AGPS: variants seen among roughly 807,000 people sequenced by gnomAD.
The protein encoded by AGPS is alkyldihydroxyacetonephosphate synthase, peroxisomal.
AGPS carries 26 observed loss-of-function variants against 90.7 expected under a neutral mutation model. That is an observed-to-expected ratio of 0.29 (90% CI 0.21 to 0.40). The LOEUF (loss-of-function observed/expected upper bound fraction) is 0.40. Among genes scored for constraint, AGPS ranks in the 10% least tolerant of loss-of-function variants. The pLI is 1.00. For missense variants in AGPS, 540 were observed against 816.1 expected (o/e 0.66, Z 4.12); for synonymous variants, 294 against 285.3 (o/e 1.03, Z -0.31).
At chr2:177,436,686 T>C (rs1451367293) in intron 3 of AGPS, 78 bp from the exon 4 acceptor site, 2 of 1,409,622 alleles carry the variant, frequency 1.4e-6, no homozygotes, top group Non-Finnish European at 2.0e-6. Context: ...GTCTACATTT[T>C]ATAGTCATTC....
chr2:177,435,413 G>T (rs1218538537), intron 3 of AGPS, among the ~76,000 whole-genome samples: 1 of 151,878 alleles, frequency 6.6e-6, no homozygotes. Context: ...TTGACTATTT[G>T]CAATTACTTG....
chr2:177,507,945 G>A, intron 15 of AGPS, 25 bp from the exon 16 acceptor site: 1 of 1,559,630 alleles, frequency 6.4e-7, no homozygotes, highest in Non-Finnish European at 8.8e-7. Flanking sequence ...GTAGTTTCTT[G>A]ATTTTTCTGT....
chr2:177,510,154 A>T (rs1017521500), intron 16 of AGPS, among the ~76,000 whole-genome samples: 1 of 152,176 alleles, frequency 6.6e-6, no homozygotes, highest in Non-Finnish European at 1.5e-5. Flanking sequence ...TTAGACAAGA[A>T]ACAATTATTT....
At chr2:177,412,068 C>T (rs767782541) in intron 1 of AGPS, among the ~76,000 whole-genome samples, 3 of 152,036 alleles carry the variant, frequency 2.0e-5, no homozygotes, top group Non-Finnish European at 4.4e-5. Context: ...GGGTTGATAG[C>T]CTAGATGCCT....
At chr2:177,397,989 G>A (rs567409573) in intron 1 of AGPS, among the ~76,000 whole-genome samples, 1 of 152,242 alleles carries the variant, frequency 6.6e-6, no homozygotes, top group South Asian at 2.1e-4. Flanking sequence ...CTGAGATTGC[G>A]TCATTGTACT....
At position 177,518,198 on chromosome 2, in the gene AGPS, C is replaced by T. The variant is rs547115664; in HGVS notation, c.1698-3071C>T. Reference sequence around the variant, plus strand: ...CCTGTAATACCAGCACTTTGGGAGGCTGAGGTGGGTGGATCACTTGAGGTC... The same window carrying T: ...CCTGTAATACCAGCACTTTGGGAGGTTGAGGTGGGTGGATCACTTGAGGTC... On this transcript the variant is annotated intron_variant, in intron 17 of 19. Transcript: ENST00000264167. Among the ~76,000 whole-genome samples the T allele has an allele frequency of 3.9e-5, 6 of 152,230 alleles. No homozygotes were observed. In the East Asian group the frequency reaches 1.2e-3, roughly 29 times the overall value.
chr2:177,403,346 T>G (rs926982248), intron 1 of AGPS, among the ~76,000 whole-genome samples: 4 of 152,198 alleles, frequency 2.6e-5, no homozygotes, highest in African/African-American at 9.7e-5. Flanking sequence ...GCAAAAATTC[T>G]TAAATCTGAG....
At chr2:177,412,433 A>C (rs2105599867) in intron 1 of AGPS, among the ~76,000 whole-genome samples, 1 of 152,314 alleles carries the variant, frequency 6.6e-6, no homozygotes, top group South Asian at 2.1e-4. Flanking sequence ...GGTTCCAGGC[A>C]GATCAATGCT....
intron 8 of AGPS, among the ~76,000 whole-genome samples, chr2:177,450,586 T>TA: frequency 6.6e-6 from 1 of 152,262 alleles, no homozygotes; most frequent in Admixed American, 6.5e-5. Flanking sequence ...CACCATCATT[T>TA]AAAAAAATCT....
chr2:177,461,103 T>G (rs148170363), intron 8 of AGPS, among the ~76,000 whole-genome samples: 54 of 152,336 alleles, frequency 3.5e-4, no homozygotes, highest in Admixed American at 5.2e-4. Flanking sequence ...CAACACAGAT[T>G]GATGGGCTTG....
chr2:177,463,569 A>G (rs55850021), intron 9 of AGPS, among the ~76,000 whole-genome samples: 2 of 152,258 alleles, frequency 1.3e-5, no homozygotes, highest in African/African-American at 2.4e-5. Context: ...TTAATAAAAT[A>G]TATTGGTTCT....
chr2:177,392,781 G>A lies in AGPS; in HGVS notation c.-9G>A. The A allele has an allele frequency of 6.7e-7, 1 of 1,483,260 alleles. No individual in the cohort carries two copies. Among genetic ancestry groups the A allele is most frequent in the Non-Finnish European group, 8.8e-7 (1 of 1,130,778 alleles). The allele number at this position is 1,483,260 out of a possible 1,614,324, so 91.9% of individuals were successfully genotyped here. A position where few individuals can be genotyped will look rare whatever the true frequency, so the allele number is the denominator to read the frequency against. On this transcript the variant is annotated 5_prime_UTR_variant, in exon 1 of 20. Transcript: ENST00000264167. ...CAGCGGTTCCGGGCGGCAGCACAAG[G>A]CGGTAGCCATGGCGGAGGCGGCGGC... is the stretch of plus-strand genomic sequence containing the variant.
chr2:177,480,340 A>G (rs191922685), intron 10 of AGPS, among the ~76,000 whole-genome samples: 1 of 151,846 alleles, frequency 6.6e-6, no homozygotes. Context: ...ATGTCCATCA[A>G]TGATAGACTG....
intron 2 of AGPS, among the ~76,000 whole-genome samples, chr2:177,428,049 C>G (rs538798413): frequency 1.8e-4 from 28 of 152,278 alleles, no homozygotes; most frequent in African/African-American, 6.7e-4. Flanking sequence ...TTTAGCTCTT[C>G]TTGTTGAATT....
intron 14 of AGPS, among the ~76,000 whole-genome samples, chr2:177,501,690 C>T (rs530614548): frequency 1.4e-4 from 22 of 152,112 alleles, no homozygotes; most frequent in East Asian, 5.8e-4. Flanking sequence ...TGTTTTGAGA[C>T]GGAGTCTTGC....
At chr2:177,530,736 A>G (rs1305786812) in intron 19 of AGPS, among the ~76,000 whole-genome samples, 3 of 152,214 alleles carry the variant, frequency 2.0e-5, no homozygotes, top group African/African-American at 4.8e-5. Flanking sequence ...AAATGGAGCT[A>G]TGTTAACTCT....
chr2:177,502,273 G>T (rs1051580777), intron 14 of AGPS, among the ~76,000 whole-genome samples: 6 of 150,970 alleles, frequency 4.0e-5, no homozygotes, highest in Non-Finnish European at 7.4e-5. Flanking sequence ...GCTGTTATTT[G>T]TTCCTTCTTA....
chr2:177,411,638 T>C (rs1685623726), intron 1 of AGPS, among the ~76,000 whole-genome samples: 1 of 152,204 alleles, frequency 6.6e-6, no homozygotes. Flanking sequence ...GCAGTAACAT[T>C]ATATTTTTCC....
chr2:177,460,211 T>C (rs1334291881), intron 8 of AGPS, among the ~76,000 whole-genome samples: 9 of 152,112 alleles, frequency 5.9e-5, no homozygotes, highest in Admixed American at 5.9e-4. Flanking sequence ...AAATACCTCA[T>C]GTAGATGATG....
Sources: gnomAD v4.1 joint callset for allele counts (sites outside exome capture counted in the v4.1 genomes callset) on GRCh38, gnomAD v4.1.1 for gene constraint, MANE v1.5 for transcripts, NCBI Gene and HGNC (gene_info 2026-07-23, HGNC 2026-07-21) for gene names.